The following ARHGAP8 variants were observed in gnomAD, a reference collection of about 807,000 sequenced individuals.
The protein encoded by ARHGAP8 is Rho GTPase activating protein 8.
ARHGAP8 carries 62 observed loss-of-function variants against 46.1 expected under a neutral mutation model. The observed-to-expected ratio is 1.34, with a 90% CI of 1.10 to 1.66. The LOEUF (loss-of-function observed/expected upper bound fraction) is 1.66, where lower values mean the gene tolerates loss of function less well. Among genes scored for constraint, ARHGAP8 ranks in the 40% most tolerant of loss-of-function variants. The probability of loss-of-function intolerance (pLI) is 0.00; values close to 1 mark genes in which losing one functional copy is unlikely to be tolerated. For missense variants in ARHGAP8, 923 were observed against 568.4 expected (o/e 1.62, Z -6.34); for synonymous variants, 375 against 243.1 (o/e 1.54, Z -5.05).
chr22:44,803,679 G>A lies in ARHGAP8; in HGVS notation c.167+1515G>A, dbSNP rs12627984. 8.8e-3 allele frequency among the ~76,000 whole-genome samples: 246 copies of A among 27,838 alleles called. 1 individual carries two copies. The highest frequency in any genetic ancestry group is 0.026 in the Middle Eastern group (1 of 38). 18.3% of individuals were successfully genotyped at this position (27,838 alleles called of 152,430 possible). On this transcript the variant is annotated intron_variant, in intron 3 of 11. Transcript: ENST00000356099. ...CCCTCCCATGCACACACCCCCTCCC[G>A]TGCACACACCCCCTCCCAGGAACAC...
chr22:44,861,855 T>C (rs533166395), intron 11 of ARHGAP8, among the ~76,000 whole-genome samples: 191 of 152,260 alleles, frequency 1.3e-3, no homozygotes, highest in African/African-American at 4.5e-3. Context: ...CCACTCTCCC[T>C]GCCCCTCGTA....
At chr22:44,776,621 A>G (rs1442575064) in intron 1 of ARHGAP8, among the ~76,000 whole-genome samples, 2 of 152,070 alleles carry the variant, frequency 1.3e-5, no homozygotes, top group Non-Finnish European at 2.9e-5. Flanking sequence ...CAGATTTTTC[A>G]TTAATGTAAA....
intron 7 of ARHGAP8, among the ~76,000 whole-genome samples, chr22:44,843,033 A>C: frequency 6.6e-6 from 1 of 152,188 alleles, no homozygotes; most frequent in Admixed American, 6.5e-5. Context: ...TCTAAGGATC[A>C]GGGAGAGGAC....
At chr22:44,804,391 G>GC (rs1384687993) in intron 3 of ARHGAP8, among the ~76,000 whole-genome samples, 1 of 151,830 alleles carries the variant, frequency 6.6e-6, no homozygotes, top group Non-Finnish European at 1.5e-5. Flanking sequence ...TGAGTGAGAG[G>GC]CCCCCAGGCC....
chr22:44,817,251 C>A (rs1929819837), intron 5 of ARHGAP8, among the ~76,000 whole-genome samples: 1 of 152,252 alleles, frequency 6.6e-6, no homozygotes, highest in Admixed American at 6.5e-5. Context: ...CTGAGGCACA[C>A]TGGGAGAATT....
intron 7 of ARHGAP8, among the ~76,000 whole-genome samples, chr22:44,825,796 G>A (rs1343496766): frequency 5.5e-5 from 8 of 144,328 alleles, no homozygotes; most frequent in Non-Finnish European, 1.1e-4. Flanking sequence ...CTCGCTGCTC[G>A]GTGCCTGGTT....
intron 4 of ARHGAP8, chr22:44,808,952 G>A (rs1929141724): frequency 7.9e-6 from 3 of 382,124 alleles, no homozygotes; most frequent in Non-Finnish European, 1.6e-5. Flanking sequence ...TGAGTAGCTG[G>A]GACTACAGGC....
intron 1 of ARHGAP8, among the ~76,000 whole-genome samples, chr22:44,759,133 T>C (rs1924923469): frequency 6.6e-6 from 1 of 152,174 alleles, no homozygotes; most frequent in Non-Finnish European, 1.5e-5. Context: ...GGGCCTTGGA[T>C]CCCGGGGTCT....
chr22:44,820,235 G>A (rs541871281), intron 5 of ARHGAP8, among the ~76,000 whole-genome samples: 9 of 152,316 alleles, frequency 5.9e-5, no homozygotes, highest in African/African-American at 1.7e-4. Context: ...GCAAGTGGCA[G>A]GGCCCTGGCT....
At chr22:44,845,373 G>C (rs373419119) in intron 8 of ARHGAP8, 31 bp downstream of exon 8, 3 of 1,613,424 alleles carry the variant, frequency 1.9e-6, no homozygotes, top group African/African-American at 1.3e-5. Context: ...GCTGGATGAC[G>C]TGAGGGCTGC....
chr22:44,859,623 T>G, intron 10 of ARHGAP8, 108 bp from the exon 11 acceptor site: 1 of 1,214,082 alleles, frequency 8.2e-7, no homozygotes, highest in South Asian at 1.3e-5. Context: ...TGTGGGATAG[T>G]CCATCCTCAG....
intron 11 of ARHGAP8, among the ~76,000 whole-genome samples, chr22:44,860,349 G>A (rs559359821): frequency 1.3e-5 from 2 of 152,214 alleles, no homozygotes; most frequent in South Asian, 2.1e-4. Flanking sequence ...GCTCCTTCCA[G>A]AGGCTCTAGG....
At chr22:44,775,485 T>C (rs1222022123) in intron 1 of ARHGAP8, among the ~76,000 whole-genome samples, 1 of 152,136 alleles carries the variant, frequency 6.6e-6, no homozygotes, top group African/African-American at 2.4e-5. Flanking sequence ...TTCGCTCTTG[T>C]TGCCCAGGCT....
intron 1 of ARHGAP8, among the ~76,000 whole-genome samples, chr22:44,763,250 A>G (rs1230269155): frequency 1.3e-5 from 2 of 152,028 alleles, no homozygotes; most frequent in African/African-American, 4.8e-5. Context: ...TAATCCTAAC[A>G]CTTTGGGAGG....
At chr22:44,775,692 C>T (rs886701046) in intron 1 of ARHGAP8, among the ~76,000 whole-genome samples, 1 of 152,128 alleles carries the variant, frequency 6.6e-6, no homozygotes, top group Non-Finnish European at 1.5e-5. Flanking sequence ...TCAGGTTATC[C>T]ACCCACCTCG....
chr22:44,768,811 C>CAGAGT (rs1324379281), intron 1 of ARHGAP8, among the ~76,000 whole-genome samples: 4 of 151,442 alleles, frequency 2.6e-5, no homozygotes, highest in African/African-American at 9.7e-5. Flanking sequence ...TGGTGGCTGC[C>CAGAGT]AGAGTCCCTG....
chr22:44,762,724 A>G (rs1445109116), intron 1 of ARHGAP8, among the ~76,000 whole-genome samples: 2 of 151,744 alleles, frequency 1.3e-5, no homozygotes, highest in African/African-American at 4.8e-5. Context: ...TTGTATTTTT[A>G]TTAGAGATGA....
At chr22:44,756,048 G>A (rs1422097169) in intron 1 of ARHGAP8, among the ~76,000 whole-genome samples, 1 of 152,192 alleles carries the variant, frequency 6.6e-6, no homozygotes, top group Non-Finnish European at 1.5e-5. Context: ...CTTGCTTGGG[G>A]AGAAGAATGC....
rs747105005 is a variant in ARHGAP8, at chr22:44,814,708, C to T, written c.336C>T (p.His112=). 3.1e-6 allele frequency: 5 copies of T among 1,613,850 alleles called. No homozygotes were observed. The East Asian group carries it at 6.7e-5, about 22-fold the overall frequency. Residue 112 remains histidine, a synonymous_variant, in exon 5 of 12, where the codon CAC becomes CAT. Transcript: ENST00000356099. ...KKNLKALYVV[H]PTSFIKVLWN... is the part of the protein sequence containing the mutation. ...ACTTGAAGGCCCTCTACGTGGTGCA[C>T]CCCACCAGCTTCATCAAGGTCCTGT...
Sources: allele counts gnomAD v4.1 joint callset (sites outside exome capture counted in the v4.1 genomes callset), GRCh38; gene constraint gnomAD v4.1.1; transcripts MANE v1.5; gene names NCBI Gene and HGNC (gene_info 2026-07-23, HGNC 2026-07-21).